RBFOX1: variants seen among roughly 807,000 people sequenced by gnomAD.
The protein encoded by RBFOX1 is RNA binding fox-1 homolog 1, also known as RNA binding protein fox-1 homolog 1.
In RBFOX1, 8 loss-of-function variants were observed where a neutral mutation model predicts 57.7. The observed-to-expected ratio is 0.14, with a 90% CI of 0.08 to 0.25. The LOEUF (loss-of-function observed/expected upper bound fraction) is 0.25. Ranked by LOEUF, RBFOX1 falls within the 10% of genes least tolerant of loss-of-function variation. The pLI is 1.00. For synonymous variants in RBFOX1, 326 were observed against 222.4 expected, an observed-to-expected ratio of 1.47 and a Z score of -4.15; for missense variants, 611 against 548.5, an observed-to-expected ratio of 1.11 and a Z score of -1.14.
intron 3 of RBFOX1, among the ~76,000 whole-genome samples, chr16:5,612,472 G>A (rs1173601270): frequency 6.6e-6 from 1 of 152,216 alleles, no homozygotes; most frequent in African/African-American, 2.4e-5. Context: ...CAGAGATTGA[G>A]CAGATACTCA....
At chr16:7,271,065 TC>T (rs1420940973) in intron 4 of RBFOX1, among the ~76,000 whole-genome samples, 1 of 152,182 alleles carries the variant, frequency 6.6e-6, no homozygotes, top group Non-Finnish European at 1.5e-5. Context: ...CTGCATTGCC[TC>T]ACAGTTCTAA....
chr16:7,574,387 A>G (rs2093103798), intron 5 of RBFOX1, among the ~76,000 whole-genome samples: 1 of 152,218 alleles, frequency 6.6e-6, no homozygotes, highest in South Asian at 2.1e-4. Context: ...CACGATCACA[A>G]GGTGAAGTCC....
At chr16:6,610,612 A>G (rs2098032391) in intron 2 of RBFOX1, among the ~76,000 whole-genome samples, 1 of 152,120 alleles carries the variant, frequency 6.6e-6, no homozygotes. Context: ...TTACCGGTGT[A>G]AACTACTACA....
At chr16:6,602,147 G>T (rs916888059) in intron 2 of RBFOX1, among the ~76,000 whole-genome samples, 2 of 151,698 alleles carry the variant, frequency 1.3e-5, no homozygotes, top group African/African-American at 2.4e-5. Flanking sequence ...CAAATCCTTT[G>T]CCCATTTTTT....
chr16:7,289,955 G>A (rs562996391), intron 4 of RBFOX1, among the ~76,000 whole-genome samples: 90 of 152,232 alleles, frequency 5.9e-4, no homozygotes, highest in Non-Finnish European at 1.1e-3. Flanking sequence ...GGCAGGACAA[G>A]GTTAGGATAA....
chr16:6,232,854 A>G (rs1279890124), intron 1 of RBFOX1, among the ~76,000 whole-genome samples: 3 of 152,178 alleles, frequency 2.0e-5, no homozygotes, highest in Non-Finnish European at 2.9e-5. Flanking sequence ...AGGTCTGTTT[A>G]GTAGACTCAA....
At chr16:6,848,443 A>G (rs565324925) in intron 3 of RBFOX1, among the ~76,000 whole-genome samples, 59 of 152,284 alleles carry the variant, frequency 3.9e-4, no homozygotes, top group African/African-American at 1.4e-3. Flanking sequence ...TTGACCACAC[A>G]TGGCCAGCAG....
intron 3 of RBFOX1, among the ~76,000 whole-genome samples, chr16:5,847,448 CT>C (rs1310431384): frequency 2.6e-5 from 4 of 151,982 alleles, no homozygotes; most frequent in Non-Finnish European, 5.9e-5. Context: ...GGAGAGAGAT[CT>C]TTTTCCAGAT....
At position 6,070,827 on chromosome 16, in the gene RBFOX1, C is replaced by T. The variant is rs960781646; in HGVS notation, c.-127+50835C>T. On this transcript the variant is annotated intron_variant, in intron 1 of 15. Coordinates refer to ENST00000550418, the MANE Select transcript of RBFOX1 (RefSeq NM_018723.4). ...TACACACACACGCTCGCCCCCCCCA[C>T]ACACACATTTGCACTAAACTTCTTT... 2.0e-5 allele frequency among the ~76,000 whole-genome samples: 3 copies of T among 151,132 alleles called. No homozygotes were observed. The East Asian group carries it at 6.1e-4, about 31-fold the overall frequency.
At chr16:7,023,653 C>T (rs8054293) in intron 3 of RBFOX1, among the ~76,000 whole-genome samples, 7,467 of 148,924 alleles carry the variant, frequency 0.05, 651 homozygotes, top group African/African-American at 0.18. Context: ...CCCAGTATAC[C>T]TTGGAACTCC....
intron 3 of RBFOX1, among the ~76,000 whole-genome samples, chr16:6,953,523 T>G (rs780725175): frequency 2.6e-5 from 4 of 152,042 alleles, no homozygotes; most frequent in African/African-American, 4.8e-5. Context: ...GTAGCTGGGA[T>G]TACGGGGGTG....
intron 2 of RBFOX1, among the ~76,000 whole-genome samples, chr16:5,503,021 C>A (rs1451399923): frequency 6.6e-6 from 1 of 152,208 alleles, no homozygotes; most frequent in African/African-American, 2.4e-5. Context: ...CCTCTTTCTT[C>A]CCTGGGGCTT....
chr16:7,597,181 C>T lies in RBFOX1; in HGVS notation c.562-190C>T, dbSNP rs532890811. Reference sequence around the variant, plus strand: ...TTATTGAAATGATTTGTAAGTTAAACGGTTATGAAGTAAATGTAATTTTAA... The same window carrying T: ...TTATTGAAATGATTTGTAAGTTAAATGGTTATGAAGTAAATGTAATTTTAA... On this transcript the variant is annotated intron_variant, in intron 8 of 15. Transcript: ENST00000550418. 3.3e-4 allele frequency: 154 copies of T among 465,308 alleles called. 2 individuals carry two copies. The South Asian group carries it at 4.1e-3, about 12-fold the overall frequency. The allele number at this position is 465,308 out of a possible 1,614,324, so 28.8% of individuals were successfully genotyped here.
intron 1 of RBFOX1, among the ~76,000 whole-genome samples, chr16:5,288,632 C>T (rs1298857436): frequency 1.4e-5 from 2 of 145,902 alleles, no homozygotes; most frequent in East Asian, 3.9e-4. Flanking sequence ...CTTTCCTTTT[C>T]TTTTTTTTTT....
chr16:7,397,722 A>G (rs1365158570), intron 4 of RBFOX1, among the ~76,000 whole-genome samples: 2 of 152,158 alleles, frequency 1.3e-5, no homozygotes, highest in South Asian at 2.1e-4. Flanking sequence ...TGATTTTGAC[A>G]TGTGTATTCA....
At chr16:5,710,338 G>A (rs992920959) in intron 3 of RBFOX1, among the ~76,000 whole-genome samples, 1 of 152,168 alleles carries the variant, frequency 6.6e-6, no homozygotes, top group Non-Finnish European at 1.5e-5. Context: ...TGCGCTCTCT[G>A]TTAAATGTAG....
intron 2 of RBFOX1, among the ~76,000 whole-genome samples, chr16:6,519,856 A>C (rs2096464863): frequency 6.6e-6 from 1 of 152,200 alleles, no homozygotes; most frequent in African/African-American, 2.4e-5. Flanking sequence ...TAGCAAGATG[A>C]AAGGACTTAA....
intron 1 of RBFOX1, among the ~76,000 whole-genome samples, chr16:5,264,375 T>G (rs902076496): frequency 6.6e-5 from 10 of 152,158 alleles, no homozygotes; most frequent in African/African-American, 2.2e-4. Flanking sequence ...GCTCTGTTCT[T>G]GGGGCCGTTT....
At chr16:6,143,724 A>G (rs1426454594) in intron 1 of RBFOX1, among the ~76,000 whole-genome samples, 4 of 152,118 alleles carry the variant, frequency 2.6e-5, no homozygotes, top group African/African-American at 4.8e-5. Flanking sequence ...GGGAAAGCTC[A>G]AAGTTTGCTC....
Sources: gnomAD v4.1 joint callset for allele counts (sites outside exome capture counted in the v4.1 genomes callset) on GRCh38, gnomAD v4.1.1 for gene constraint, MANE v1.5 for transcripts, NCBI Gene and HGNC (gene_info 2026-07-23, HGNC 2026-07-21) for gene names.